The following ARHGAP10 variants were observed in gnomAD, a reference collection of about 807,000 sequenced individuals.
The protein encoded by ARHGAP10 is rho GTPase-activating protein 10.
In ARHGAP10, 87 loss-of-function variants were observed where a neutral mutation model predicts 108.6. The ratio of observed to expected loss-of-function variants is 0.80; its 90% CI spans 0.67 to 0.96. The LOEUF (loss-of-function observed/expected upper bound fraction) is 0.96. ARHGAP10 is among the 40% of genes least tolerant of loss of function. The pLI is 0.00. For synonymous variants in ARHGAP10, 347 were observed against 341.1 expected (o/e 1.02, Z -0.19); for missense variants, 939 against 954.5 (o/e 0.98, Z 0.21).
At chr4:147,945,256 T>C (rs537390147) in intron 14 of ARHGAP10, among the ~76,000 whole-genome samples, 2 of 152,300 alleles carry the variant, frequency 1.3e-5, no homozygotes, top group African/African-American at 4.8e-5. Flanking sequence ...GAATTGACAC[T>C]TTCCATTCCA....
intron 8 of ARHGAP10, among the ~76,000 whole-genome samples, chr4:147,876,586 C>T (rs1735069996): frequency 2.0e-5 from 3 of 152,022 alleles, no homozygotes; most frequent in African/African-American, 7.2e-5. Flanking sequence ...AAGCAAGACT[C>T]TGTCTCAAAA....
chr4:147,999,104 T>A (rs1003439037), intron 18 of ARHGAP10, among the ~76,000 whole-genome samples: 2 of 152,170 alleles, frequency 1.3e-5, no homozygotes, highest in African/African-American at 2.4e-5. Context: ...GGACTAAGAA[T>A]CCCTAAACCT....
intron 10 of ARHGAP10, among the ~76,000 whole-genome samples, chr4:147,904,499 T>G (rs1736380748): frequency 6.6e-6 from 1 of 152,042 alleles, no homozygotes; most frequent in Non-Finnish European, 1.5e-5. Flanking sequence ...TTTTTGTCCT[T>G]GTGATAGTTT....
At chr4:148,047,198 G>A (rs1208932202) in intron 20 of ARHGAP10, 147 bp downstream of exon 20, 2 of 967,712 alleles carry the variant, frequency 2.1e-6, no homozygotes, top group Non-Finnish European at 2.9e-6. Flanking sequence ...ACCAAAGGGA[G>A]AAGGGTCCTT....
At chr4:147,733,216 A>T (rs183495799) in intron 1 of ARHGAP10, among the ~76,000 whole-genome samples, 1 of 152,188 alleles carries the variant, frequency 6.6e-6, no homozygotes, top group African/African-American at 2.4e-5. Context: ...TCGGAAGAAG[A>T]CACGAGATAC....
rs1471535212 is a variant in ARHGAP10 at position 147,783,698 on chromosome 4, TTATG to T, written c.155-39025_155-39022del. 4.6e-4 allele frequency among the ~76,000 whole-genome samples: 59 copies of T among 128,492 alleles called. 1 individual carries two copies. In the East Asian group the frequency reaches 0.012, roughly 26 times the overall value. The allele number at this position is 128,492 out of a possible 152,430, so 84.3% of individuals were successfully genotyped here. A position where few individuals can be genotyped will look rare whatever the true frequency, so the allele number is the denominator to read the frequency against. On this transcript the variant is annotated intron_variant, in intron 1 of 22. Coordinates refer to ENST00000336498, the MANE Select transcript of ARHGAP10 (RefSeq NM_024605.4). ...TGTATAATTTATAGAACACATTAAA[TTATG>T]TATTGTATAATTTATAGAACACATT... is the stretch of plus-strand genomic sequence containing the variant.
At chr4:147,930,082 T>A (rs1356584159) in intron 13 of ARHGAP10, among the ~76,000 whole-genome samples, 1 of 152,196 alleles carries the variant, frequency 6.6e-6, no homozygotes, top group African/African-American at 2.4e-5. Flanking sequence ...AAATAAATGA[T>A]TCAGTCCCTC....
intron 10 of ARHGAP10, among the ~76,000 whole-genome samples, chr4:147,886,802 G>A (rs560818398): frequency 2.6e-5 from 4 of 152,114 alleles, no homozygotes; most frequent in East Asian, 3.9e-4. Context: ...ATAGAGTCTC[G>A]CTCTGTCACC....
chr4:147,899,096 C>T (rs1476357393), intron 10 of ARHGAP10, among the ~76,000 whole-genome samples: 2 of 152,168 alleles, frequency 1.3e-5, no homozygotes, highest in Non-Finnish European at 1.5e-5. Flanking sequence ...GTCTCTCAGT[C>T]CTGCTCTCAG....
chr4:147,935,944 A>G (rs748673999), intron 13 of ARHGAP10, among the ~76,000 whole-genome samples: 26 of 152,280 alleles, frequency 1.7e-4, no homozygotes, highest in Admixed American at 3.9e-4. Context: ...TTTGAACTTG[A>G]TCAATTATTT....
chr4:147,764,093 A>G (rs576940460), intron 1 of ARHGAP10, among the ~76,000 whole-genome samples: 2 of 152,276 alleles, frequency 1.3e-5, no homozygotes, highest in South Asian at 4.1e-4. Flanking sequence ...GTGGGAATCA[A>G]AATCAGCTGA....
chr4:148,024,309 G>T (rs886767860), intron 19 of ARHGAP10, among the ~76,000 whole-genome samples: 5 of 152,174 alleles, frequency 3.3e-5, no homozygotes, highest in Non-Finnish European at 5.9e-5. Flanking sequence ...TCAAAAAAGA[G>T]AATCTTTCAT....
chr4:147,897,198 TA>T (rs1333492310), intron 10 of ARHGAP10, among the ~76,000 whole-genome samples: 1 of 151,746 alleles, frequency 6.6e-6, no homozygotes. Flanking sequence ...GTTCTGTTTT[TA>T]AAAAAATATG....
At chr4:147,745,710 C>G (rs1370016673) in intron 1 of ARHGAP10, among the ~76,000 whole-genome samples, 1 of 151,868 alleles carries the variant, frequency 6.6e-6, no homozygotes, top group African/African-American at 2.4e-5. Flanking sequence ...CCAGGATGGT[C>G]TCCATCTCCT....
At chr4:147,743,122 C>T (rs1287705939) in intron 1 of ARHGAP10, among the ~76,000 whole-genome samples, 1 of 151,522 alleles carries the variant, frequency 6.6e-6, no homozygotes, top group Non-Finnish European at 1.5e-5. Context: ...CAACCTCTGC[C>T]TCCTGGGTTC....
At chr4:147,772,069 C>A (rs186615087) in intron 1 of ARHGAP10, among the ~76,000 whole-genome samples, 1 of 152,182 alleles carries the variant, frequency 6.6e-6, no homozygotes, top group Non-Finnish European at 1.5e-5. Context: ...GGATTACAGG[C>A]GTGAGCAACC....
intron 1 of ARHGAP10, among the ~76,000 whole-genome samples, chr4:147,798,729 CTCTCTCTCTCTCTCTCTCTCTCT>C (rs1560764489): frequency 1.2e-3 from 13 of 11,260 alleles, no homozygotes; most frequent in Non-Finnish European, 2.2e-3. Flanking sequence ...GAGACACTCT[CTCTCTCTCTCTCTCTCTCTCTCT>C]CTCTCTCTCT....
chr4:147,959,939 T>G (rs1738931470), intron 16 of ARHGAP10, among the ~76,000 whole-genome samples: 1 of 152,168 alleles, frequency 6.6e-6, no homozygotes, highest in African/African-American at 2.4e-5. Flanking sequence ...CACAAGTTAG[T>G]AGGTTTTTAG....
At chr4:147,792,754 A>C (rs1173438110) in intron 1 of ARHGAP10, among the ~76,000 whole-genome samples, 4 of 150,016 alleles carry the variant, frequency 2.7e-5, no homozygotes, top group African/African-American at 4.9e-5. Flanking sequence ...CTTATGGGGG[A>C]TTTTTTTCTT....
Sources: gnomAD v4.1 joint callset for allele counts (sites outside exome capture counted in the v4.1 genomes callset) on GRCh38, gnomAD v4.1.1 for gene constraint, MANE v1.5 for transcripts, NCBI Gene and HGNC (gene_info 2026-07-23, HGNC 2026-07-21) for gene names.